SFI1: variants seen among roughly 807,000 people sequenced by gnomAD.
SFI1 encodes protein SFI1 homolog.
In SFI1, 195 loss-of-function variants were observed where a neutral mutation model predicts 207.5. The observed-to-expected ratio is 0.94, with a 90% CI of 0.84 to 1.06. The LOEUF (loss-of-function observed/expected upper bound fraction) is 1.06. SFI1 is among the 50% of genes least tolerant of loss of function. The probability of loss-of-function intolerance (pLI) is 0.00; values close to 1 mark genes in which losing one functional copy is unlikely to be tolerated. For synonymous variants in SFI1, 630 were observed against 598.9 expected, an observed-to-expected ratio of 1.05 and a Z score of -0.76; for missense variants, 1,634 against 1,588.0, an observed-to-expected ratio of 1.03 and a Z score of -0.49.
rs952271000 is a variant in SFI1 at position 31,528,958 on chromosome 22, A to G, written c.266+95A>G. ...GAATGATTCTTATTCTTCCACCGCA[A>G]TTAGTGGGAGATCTTGATGCCTGTT... is the stretch of plus-strand genomic sequence containing the variant. On this transcript the variant is annotated intron_variant, in intron 3 of 32. Transcript: ENST00000400288. 1.1e-4 allele frequency: 134 copies of G among 1,245,622 alleles called. 2 individuals carry two copies. The highest frequency in any genetic ancestry group is 1.1e-3 in the South Asian group (74 of 70,290). The allele number at this position is 1,245,622 out of a possible 1,614,324, so 77.2% of individuals were successfully genotyped here.
intron 7 of SFI1, chr22:31,559,977 C>A: frequency 2.5e-6 from 1 of 397,026 alleles, no homozygotes; most frequent in Non-Finnish European, 4.7e-6. Flanking sequence ...AGTTTATATA[C>A]CTAAAAAATA....
intron 1 of SFI1, among the ~76,000 whole-genome samples, chr22:31,504,305 GA>G (rs2054286637): frequency 6.6e-6 from 1 of 152,210 alleles, no homozygotes; most frequent in Admixed American, 6.6e-5. Flanking sequence ...CACTTATGAT[GA>G]CCTCTGTTAC....
intron 1 of SFI1, among the ~76,000 whole-genome samples, chr22:31,501,102 T>C (rs1038947961): frequency 6.7e-6 from 1 of 149,182 alleles, no homozygotes; most frequent in East Asian, 2.0e-4. Flanking sequence ...CGGCCAAATA[T>C]TTTTAAATTA....
intron 27 of SFI1, chr22:31,614,196 C>T (rs2070934997): frequency 2.7e-6 from 1 of 369,468 alleles, no homozygotes; most frequent in Non-Finnish European, 5.0e-6. Context: ...AAGCTCAGCT[C>T]CTACCCGTGC....
chr22:31,586,815 G>A (rs954572388), intron 14 of SFI1, among the ~76,000 whole-genome samples: 4 of 152,086 alleles, frequency 2.6e-5, no homozygotes, highest in Non-Finnish European at 5.9e-5. Context: ...GACAGTCCAG[G>A]GTCAGCGTTT....
intron 9 of SFI1, 116 bp from the exon 10 acceptor site, chr22:31,575,098 GTGTGTGTGTGTGTGTGT>G: frequency 9.5e-6 from 3 of 316,804 alleles, no homozygotes; most frequent in Middle Eastern, 8.5e-4. Flanking sequence ...GTGTGTGTGT[GTGTGTGTGTGTGTGTGT>G]GTGTGTGGCC....
chr22:31,569,247 G>A (rs1422505527), intron 8 of SFI1, among the ~76,000 whole-genome samples: 2 of 152,132 alleles, frequency 1.3e-5, no homozygotes, highest in African/African-American at 2.4e-5. Flanking sequence ...GGAAAATATA[G>A]GAGAAATCTG....
Position 31,561,318 on chromosome 22 carries a change from C to T in SFI1, c.691C>T (p.Leu231=). The part of the protein sequence containing the change: ...RVWWSTWRQR[L]GQVRVSRALH... ...GTGGTGGAGCACGTGGAGGCAGCGA[C>T]TAGGACAGGTCCGTGTGAGCCGTGC... is the stretch of plus-strand genomic sequence containing the variant. Residue 231 remains leucine (L), a synonymous_variant, in exon 8 of 33, where the codon CTA becomes TTA. Coordinates refer to ENST00000400288, the MANE Select transcript of SFI1 (RefSeq NM_001007467.3). 1 of 1,614,136 alleles carries T rather than the reference C, an allele frequency of 6.2e-7. No homozygotes were observed. Among genetic ancestry groups the T allele is most frequent in the Non-Finnish European group, 8.5e-7 (1 of 1,180,000 alleles).
At chr22:31,558,855 C>T (rs2061413087) in intron 7 of SFI1, among the ~76,000 whole-genome samples, 1 of 151,608 alleles carries the variant, frequency 6.6e-6, no homozygotes, top group South Asian at 2.1e-4. Flanking sequence ...CTCACTGTTT[C>T]GTCCAGGCTG....
chr22:31,572,902 G>A (rs1225418724), intron 8 of SFI1, 156 bp from the exon 9 acceptor site: 12 of 630,382 alleles, frequency 1.9e-5, no homozygotes, highest in Non-Finnish European at 3.0e-5. Flanking sequence ...TTTACCCCAC[G>A]GTCCCATAGC....
chr22:31,604,996 C>A, intron 20 of SFI1, 51 bp downstream of exon 20: 1 of 1,495,770 alleles, frequency 6.7e-7, no homozygotes, highest in Non-Finnish European at 9.0e-7. Flanking sequence ...AAGGAATGCA[C>A]TCCAAACCCC....
chr22:31,555,743 T>C (rs888632662), intron 6 of SFI1, among the ~76,000 whole-genome samples: 2 of 152,194 alleles, frequency 1.3e-5, no homozygotes, highest in Admixed American at 1.3e-4. Flanking sequence ...CTGGCTTGTC[T>C]TACTCAGGAT....
intron 2 of SFI1, among the ~76,000 whole-genome samples, chr22:31,513,985 T>C (rs1013461596): frequency 2.7e-5 from 4 of 150,610 alleles, no homozygotes; most frequent in Non-Finnish European, 5.9e-5. Context: ...AATACAAAAA[T>C]TAGTCTGGCA....
chr22:31,613,720 C>T lies in SFI1; in HGVS notation c.2861C>T (p.Thr954Met), dbSNP rs566712572. 6.8e-6 allele frequency: 11 copies of T among 1,613,228 alleles called. No individual in the cohort carries two copies. Among genetic ancestry groups the T allele is most frequent in the South Asian group, 3.3e-5 (3 of 91,006 alleles). Residue 954 changes from threonine (T) to methionine (M), a missense_variant, in exon 27 of 33, where the codon ACG (threonine) becomes ATG (methionine). Physicochemically the swap from Thr to Met is moderately conservative, Grantham distance 81. Coordinates refer to ENST00000400288, the MANE Select transcript of SFI1 (RefSeq NM_001007467.3). ...GCCATCGCACCCAGCAGGAAAGTGA[C>T]GTTTGAGGGTCCCCTTCTCAACCGC... Reference protein sequence around the residue: ...LAAIAPSRKVTFEGPLLNRIA... With the variant: ...LAAIAPSRKVMFEGPLLNRIA...
At chr22:31,591,509 G>C (rs1450047201) in intron 15 of SFI1, among the ~76,000 whole-genome samples, 1 of 150,886 alleles carries the variant, frequency 6.6e-6, no homozygotes, top group Non-Finnish European at 1.5e-5. Context: ...GGTGGTGGCC[G>C]GGCAGAGGGG....
At chr22:31,561,575 C>A (rs2061707255) in intron 8 of SFI1, among the ~76,000 whole-genome samples, 183 bp downstream of exon 8, 1 of 152,156 alleles carries the variant, frequency 6.6e-6, no homozygotes, top group South Asian at 2.1e-4. Context: ...AGAGGCTTGT[C>A]CTAGATGAGC....
chr22:31,530,592 G>C (rs1432826313), intron 3 of SFI1: 2 of 470,148 alleles, frequency 4.3e-6, no homozygotes, highest in Admixed American at 4.7e-5. Flanking sequence ...CTGCTTTCAG[G>C]GGCTCACAGT....
chr22:31,585,222 C>A, intron 14 of SFI1, 88 bp downstream of exon 14: 4 of 1,143,612 alleles, frequency 3.5e-6, no homozygotes, highest in South Asian at 1.3e-5. Context: ...AGACCTATGC[C>A]AAGAAGTCTT....
intron 7 of SFI1, among the ~76,000 whole-genome samples, chr22:31,558,193 G>C (rs576815163): frequency 6.6e-6 from 1 of 152,262 alleles, no homozygotes; most frequent in East Asian, 1.9e-4. Context: ...GTATTTAACA[G>C]TGTCCAGAAA....
Sources: gnomAD v4.1 joint callset for allele counts (sites outside exome capture counted in the v4.1 genomes callset) on GRCh38, gnomAD v4.1.1 for gene constraint, MANE v1.5 for transcripts, NCBI Gene and HGNC (gene_info 2026-07-23, HGNC 2026-07-21) for gene names.